Variants in PTPRD observed in about 807,000 individuals in gnomAD.
The protein encoded by PTPRD is protein tyrosine phosphatase receptor type D.
PTPRD carries 34 observed loss-of-function variants against 214.5 expected under a neutral mutation model. The ratio of observed to expected loss-of-function variants is 0.16; its 90% CI spans 0.12 to 0.21. The LOEUF is 0.21. Ranked by LOEUF, PTPRD falls within the 10% of genes least tolerant of loss-of-function variation. The probability of loss-of-function intolerance (pLI) is 1.00; values close to 1 mark genes in which losing one functional copy is unlikely to be tolerated. For missense variants in PTPRD, 2,545 were observed against 2,398.7 expected (o/e 1.06, Z -1.27); for synonymous variants, 1,128 against 845.7 (o/e 1.33, Z -5.79).
intron 8 of PTPRD, among the ~76,000 whole-genome samples, chr9:9,502,270 C>T (rs112937757): frequency 2.6e-4 from 39 of 151,986 alleles, no homozygotes; most frequent in African/African-American, 8.2e-4. Context: ...ATATCTCCCC[C>T]TTTCTCCCTC....
intron 11 of PTPRD, among the ~76,000 whole-genome samples, chr9:8,891,225 C>T (rs2154239429): frequency 6.7e-6 from 1 of 148,326 alleles, no homozygotes; most frequent in African/African-American, 2.5e-5. Context: ...GCTCCGCCTC[C>T]CGGGTTCAGG....
At position 8,319,890 on chromosome 9, in the gene PTPRD, C is replaced by T. The variant is rs1825644432; in HGVS notation, c.5611G>A (p.Asp1871Asn). 2 of 1,613,004 alleles carry T rather than the reference C, an allele frequency of 1.2e-6. No individual in the cohort carries two copies. The highest frequency in any genetic ancestry group is 4.5e-5 in the East Asian group (2 of 44,834). The change falls in exon 45 of 46, where the codon GAT becomes AAT. Residue 1871 changes from aspartate to asparagine, a missense_variant. Coordinates refer to ENST00000381196, the MANE Select transcript of PTPRD (RefSeq NM_002839.4). ...LERMRYEGVV[D>N]IFQTVKMLRT... is the part of the protein sequence containing the mutation. ...AACATTTTGACAGTCTGGAAGATAT[C>T]TACAACTCCTTCATATCTCATTCTT...
intron 8 of PTPRD, among the ~76,000 whole-genome samples, chr9:9,403,064 T>C (rs554286391): frequency 1.6e-4 from 23 of 141,176 alleles, no homozygotes; most frequent in African/African-American, 5.6e-4. Flanking sequence ...CAAAGGCGAG[T>C]GGATCACTTG....
intron 11 of PTPRD, among the ~76,000 whole-genome samples, chr9:8,933,340 G>GTTTGTTTTTTTTTTTTTTTTTTTTTT (rs2098966612): frequency 1.2e-5 from 1 of 80,430 alleles, no homozygotes; most frequent in Non-Finnish European, 2.3e-5. Context: ...CAACCTTGAG[G>GTTTGTTTTTTTTTTTTTTTTTTTTTT]TTTTTTTTTT....
At chr9:10,010,569 T>C (rs16930803) in intron 4 of PTPRD, among the ~76,000 whole-genome samples, 7,334 of 151,866 alleles carry the variant, frequency 0.048, 627 homozygotes, top group African/African-American at 0.17. Flanking sequence ...TACCTTCAAG[T>C]GGCCATGCAC....
intron 5 of PTPRD, among the ~76,000 whole-genome samples, chr9:9,857,700 G>A (rs2061822176): frequency 6.6e-6 from 1 of 152,200 alleles, no homozygotes; most frequent in African/African-American, 2.4e-5. Flanking sequence ...GCAGCAGACA[G>A]AAGTTGGCTA....
At chr9:10,498,674 T>G (rs970402985) in intron 2 of PTPRD, among the ~76,000 whole-genome samples, 2 of 151,922 alleles carry the variant, frequency 1.3e-5, no homozygotes, top group African/African-American at 2.4e-5. Context: ...ACAATTGGTG[T>G]TGTATATTAT....
intron 7 of PTPRD, among the ~76,000 whole-genome samples, chr9:9,618,264 A>C (rs2095024934): frequency 6.6e-6 from 1 of 151,678 alleles, no homozygotes; most frequent in Admixed American, 6.6e-5. Flanking sequence ...CATTATACTA[A>C]CCCTTCCGGG....
intron 7 of PTPRD, among the ~76,000 whole-genome samples, chr9:9,688,186 A>G (rs995997556): frequency 6.6e-6 from 1 of 151,920 alleles, no homozygotes; most frequent in African/African-American, 2.4e-5. Context: ...ACTCTTGGGC[A>G]GTATCTTTAT....
chr9:8,996,472 G>GA (rs758547771), intron 11 of PTPRD, among the ~76,000 whole-genome samples: 1 of 152,062 alleles, frequency 6.6e-6, no homozygotes, highest in Non-Finnish European at 1.5e-5. Context: ...TAGAGGTGGA[G>GA]AAAGGCATTG....
chr9:9,345,565 C>T (rs772133782), intron 9 of PTPRD, among the ~76,000 whole-genome samples: 8 of 152,112 alleles, frequency 5.3e-5, no homozygotes, highest in Admixed American at 2.0e-4. Flanking sequence ...TTCTTAGAAT[C>T]TATGACTCTG....
At chr9:9,084,444 A>T (rs2154426013) in intron 10 of PTPRD, among the ~76,000 whole-genome samples, 1 of 152,218 alleles carries the variant, frequency 6.6e-6, no homozygotes, top group African/African-American at 2.4e-5. Context: ...AGCGGAAATA[A>T]CTATTGCAGA....
chr9:9,597,625 A>C (rs1265810184), intron 7 of PTPRD, among the ~76,000 whole-genome samples: 12 of 152,042 alleles, frequency 7.9e-5, no homozygotes, highest in Non-Finnish European at 1.8e-4. Context: ...ACAGTATCAC[A>C]TATAGTAGAG....
chr9:9,405,274 AT>A, intron 8 of PTPRD, among the ~76,000 whole-genome samples: 1 of 152,158 alleles, frequency 6.6e-6, no homozygotes, highest in East Asian at 1.9e-4. Flanking sequence ...ATTTGATCCT[AT>A]TTTTGCAAGT....
At chr9:8,479,322 T>C (rs772588125) in intron 30 of PTPRD, among the ~76,000 whole-genome samples, 1 of 152,236 alleles carries the variant, frequency 6.6e-6, no homozygotes, top group Non-Finnish European at 1.5e-5. Context: ...TCAAGTACTT[T>C]CCTGATTTAG....
At chr9:9,878,034 C>T (rs777874875) in intron 5 of PTPRD, among the ~76,000 whole-genome samples, 31 of 151,792 alleles carry the variant, frequency 2.0e-4, no homozygotes, top group Admixed American at 9.9e-4. Flanking sequence ...TCGGTTGCCC[C>T]TCTAAAATTC....
At chr9:9,670,528 T>C (rs1202509108) in intron 7 of PTPRD, among the ~76,000 whole-genome samples, 1 of 152,122 alleles carries the variant, frequency 6.6e-6, no homozygotes, top group Non-Finnish European at 1.5e-5. Flanking sequence ...AAAATGTCTC[T>C]AGGGAATATT....
intron 10 of PTPRD, among the ~76,000 whole-genome samples, chr9:9,121,044 C>T (rs182431255): frequency 5.7e-4 from 86 of 152,170 alleles, no homozygotes; most frequent in Admixed American, 2.0e-4. Flanking sequence ...GAAAAGAAAA[C>T]GTACAGAGGT....
At chr9:9,432,089 AAAAG>A (rs1444501738) in intron 8 of PTPRD, among the ~76,000 whole-genome samples, 2 of 149,244 alleles carry the variant, frequency 1.3e-5, no homozygotes, top group East Asian at 3.9e-4. Flanking sequence ...TAATAATAAT[AAAAG>A]AAACACTGAA....
Sources: allele counts gnomAD v4.1 joint callset (sites outside exome capture counted in the v4.1 genomes callset), GRCh38; gene constraint gnomAD v4.1.1; transcripts MANE v1.5; gene names NCBI Gene and HGNC (gene_info 2026-07-23, HGNC 2026-07-21).